Variants in RBFOX1 observed in about 807,000 individuals in gnomAD.
RBFOX1 encodes RNA binding protein fox-1 homolog 1.
RBFOX1 carries 8 observed loss-of-function variants against 57.7 expected under a neutral mutation model. The observed-to-expected ratio is 0.14, with a 90% CI of 0.08 to 0.25. RBFOX1 has a LOEUF of 0.25. RBFOX1 is among the 10% of genes least tolerant of loss of function. The probability of loss-of-function intolerance (pLI) is 1.00; values close to 1 mark genes in which losing one functional copy is unlikely to be tolerated. For synonymous variants in RBFOX1, 326 were observed against 222.4 expected (o/e 1.47, Z -4.15); for missense variants, 611 against 548.5 (o/e 1.11, Z -1.14).
At chr16:7,426,665 C>A (rs537604982) in intron 4 of RBFOX1, among the ~76,000 whole-genome samples, 1 of 152,138 alleles carries the variant, frequency 6.6e-6, no homozygotes, top group Non-Finnish European at 1.5e-5. Flanking sequence ...TGGGTTGACA[C>A]AAGAAGGGGA....
intron 4 of RBFOX1, among the ~76,000 whole-genome samples, chr16:5,906,984 G>C (rs927106403): frequency 6.6e-6 from 1 of 151,990 alleles, no homozygotes; most frequent in African/African-American, 2.4e-5. Flanking sequence ...TGATCCACCT[G>C]CCTCGGCCTC....
At chr16:7,563,123 C>T (rs1269844136) in intron 5 of RBFOX1, among the ~76,000 whole-genome samples, 1 of 152,130 alleles carries the variant, frequency 6.6e-6, no homozygotes, top group Admixed American at 6.5e-5. Flanking sequence ...ATATTAGAAT[C>T]CTCTTGTCTG....
chr16:6,971,744 A>G (rs2153570124), intron 3 of RBFOX1, among the ~76,000 whole-genome samples: 1 of 152,170 alleles, frequency 6.6e-6, no homozygotes, highest in South Asian at 2.1e-4. Flanking sequence ...GATTGGGGAC[A>G]TCGTGGAGAT....
At chr16:5,624,777 G>A (rs965454815) in intron 3 of RBFOX1, among the ~76,000 whole-genome samples, 1 of 152,220 alleles carries the variant, frequency 6.6e-6, no homozygotes, top group Admixed American at 6.5e-5. Flanking sequence ...GACCCTTCAG[G>A]AAGCTCATAT....
At chr16:6,322,909 T>G (rs1567935416) in intron 2 of RBFOX1, among the ~76,000 whole-genome samples, 1 of 152,160 alleles carries the variant, frequency 6.6e-6, no homozygotes, top group South Asian at 2.1e-4. Context: ...TAATGCTCAT[T>G]GACCATCCCA....
In RBFOX1 at chr16:6,400,382, T is replaced by A. The variant is rs112926486; in HGVS notation, c.-64+83325T>A. Reference sequence around the variant, plus strand: ...ATTAATGCAGATATCACAAGAGAAATTAGAAAGTATTTTGGACTGAATGAT... The same window carrying A: ...ATTAATGCAGATATCACAAGAGAAAATAGAAAGTATTTTGGACTGAATGAT... On this transcript the variant is annotated intron_variant, in intron 2 of 15. Coordinates refer to ENST00000550418, the MANE Select transcript of RBFOX1 (RefSeq NM_018723.4). Among the ~76,000 whole-genome samples the A allele has an allele frequency of 2.0e-3, 303 of 152,198 alleles. 1 individual carries two copies. The highest frequency in any genetic ancestry group is 5.9e-3 in the African/African-American group (245 of 41,528).
At chr16:5,490,637 A>T (rs972975268) in intron 2 of RBFOX1, among the ~76,000 whole-genome samples, 1 of 151,998 alleles carries the variant, frequency 6.6e-6, no homozygotes, top group Non-Finnish European at 1.5e-5. Flanking sequence ...TCCTCTGGGC[A>T]CTCCTATCTG....
intron 4 of RBFOX1, among the ~76,000 whole-genome samples, chr16:7,140,309 C>G (rs375799391): frequency 1.3e-5 from 1 of 77,534 alleles, no homozygotes; most frequent in South Asian, 4.4e-4. Context: ...AGGTCACCTT[C>G]TCTTGGTTAT....
At chr16:6,961,670 A>T (rs1017179856) in intron 3 of RBFOX1, among the ~76,000 whole-genome samples, 4 of 152,082 alleles carry the variant, frequency 2.6e-5, no homozygotes, top group Admixed American at 1.3e-4. Flanking sequence ...GTTTTCTGGG[A>T]AAGGGGTGGG....
chr16:6,405,376 A>G (rs1293409268), intron 2 of RBFOX1, among the ~76,000 whole-genome samples: 1 of 152,194 alleles, frequency 6.6e-6, no homozygotes, highest in Non-Finnish European at 1.5e-5. Flanking sequence ...CAAAGCTTTC[A>G]TATGTCCAGT....
chr16:6,715,652 A>G (rs1026796021), intron 3 of RBFOX1, among the ~76,000 whole-genome samples: 2 of 152,088 alleles, frequency 1.3e-5, no homozygotes, highest in African/African-American at 4.8e-5. Flanking sequence ...CCGGATAAAG[A>G]TACTTGGAAA....
intron 3 of RBFOX1, among the ~76,000 whole-genome samples, chr16:5,665,609 C>T (rs1034622273): frequency 2.0e-5 from 3 of 152,198 alleles, no homozygotes; most frequent in Non-Finnish European, 4.4e-5. Context: ...AGAGAACCAG[C>T]GCCTGGTTCA....
intron 14 of RBFOX1, among the ~76,000 whole-genome samples, chr16:7,685,751 C>G (rs879270125): frequency 5.9e-5 from 9 of 152,060 alleles, no homozygotes; most frequent in Middle Eastern, 3.2e-3. Flanking sequence ...ATCTCTAAGA[C>G]ACACTGTAAC....
chr16:6,002,720 T>A (rs1263956151), intron 4 of RBFOX1, among the ~76,000 whole-genome samples: 1 of 152,248 alleles, frequency 6.6e-6, no homozygotes, highest in Non-Finnish European at 1.5e-5. Flanking sequence ...ATAAAGTTCT[T>A]AAAATAGTGG....
intron 4 of RBFOX1, among the ~76,000 whole-genome samples, chr16:7,155,047 G>A (rs142542082): frequency 3.3e-5 from 5 of 152,144 alleles, no homozygotes; most frequent in South Asian, 2.1e-4. Context: ...TTTGTGTGGC[G>A]GAGGGCATCT....
chr16:6,303,300 T>C (rs1236321651), intron 1 of RBFOX1, among the ~76,000 whole-genome samples: 1 of 152,006 alleles, frequency 6.6e-6, no homozygotes, highest in Non-Finnish European at 1.5e-5. Context: ...AATAAGATAA[T>C]AAGGTGCTCT....
chr16:6,871,508 C>T (rs1207328462), intron 3 of RBFOX1, among the ~76,000 whole-genome samples: 1 of 151,962 alleles, frequency 6.6e-6, no homozygotes, highest in South Asian at 2.1e-4. Flanking sequence ...TTGACTCTTT[C>T]CTCTCCCTTA....
intron 5 of RBFOX1, among the ~76,000 whole-genome samples, chr16:7,577,433 G>A: frequency 6.6e-6 from 1 of 152,142 alleles, no homozygotes; most frequent in Admixed American, 6.5e-5. Context: ...CTGCACATCT[G>A]CACATGCACT....
chr16:6,021,546 C>T (rs767500151), intron 1 of RBFOX1, among the ~76,000 whole-genome samples: 5 of 152,224 alleles, frequency 3.3e-5, no homozygotes, highest in Non-Finnish European at 7.3e-5. Context: ...GACTCAAAAC[C>T]TGTGTCCTCT....
Sources: allele counts gnomAD v4.1 joint callset (sites outside exome capture counted in the v4.1 genomes callset), GRCh38; gene constraint gnomAD v4.1.1; transcripts MANE v1.5; gene names NCBI Gene and HGNC (gene_info 2026-07-23, HGNC 2026-07-21).